ERAP2: variants seen among roughly 807,000 people sequenced by gnomAD.
The protein encoded by ERAP2 is leukocyte-derived arginine aminopeptidase.
In ERAP2, 118 loss-of-function variants were observed where a neutral mutation model predicts 111.1. The ratio of observed to expected loss-of-function variants is 1.06; its 90% confidence interval spans 0.92 to 1.24. The LOEUF is 1.24. Ranked by LOEUF, ERAP2 falls within the 50% of genes most tolerant of loss-of-function variation. ERAP2 has a pLI of 0.00. For synonymous variants in ERAP2, 410 were observed against 401.2 expected (o/e 1.02, Z -0.26); for missense variants, 1,131 against 1,125.8 (o/e 1.00, Z -0.07).
At chr5:96,897,354 C>T (rs1479701318) in intron 9 of ERAP2, among the ~76,000 whole-genome samples, 1 of 152,152 alleles carries the variant, frequency 6.6e-6, no homozygotes, top group African/African-American at 2.4e-5. Context: ...AATTCAAATG[C>T]CACCCAACTT....
chr5:96,887,799 C>T (rs910318475), intron 4 of ERAP2, among the ~76,000 whole-genome samples: 18 of 152,108 alleles, frequency 1.2e-4, no homozygotes, highest in Non-Finnish European at 1.6e-4. Flanking sequence ...GACTTAAAAA[C>T]ATTTTTAAAG....
chr5:96,880,581 A>C (rs978056814), intron 2 of ERAP2, among the ~76,000 whole-genome samples: 1 of 152,238 alleles, frequency 6.6e-6, no homozygotes, highest in Non-Finnish European at 1.5e-5. Context: ...TCTCAAAGGA[A>C]GTGAGTCTTC....
chr5:96,903,542 A>T lies in ERAP2; in HGVS notation c.1994A>T (p.Asp665Val). 2 of 1,604,668 alleles carry T rather than the reference A, an allele frequency of 1.2e-6. No individual in the cohort carries two copies. Among genetic ancestry groups the T allele is most frequent in the East Asian group, 2.2e-5 (1 of 44,742 alleles). ...AAGGACAGAGTAGGTCTGATTCATG[A>T]TGTGTTTCAGCTAGTTGGGTAAGGC... Reference protein sequence around the residue: ...RPKDRVGLIHDVFQLVGAGRL... With the variant: ...RPKDRVGLIHVVFQLVGAGRL... Residue 665 changes from aspartate to valine, a missense_variant, in exon 13 of 19, where the codon GAT becomes GTT. Transcript: ENST00000437043.
intron 1 of ERAP2, among the ~76,000 whole-genome samples, chr5:96,878,141 A>T (rs987480076): frequency 2.0e-5 from 3 of 152,204 alleles, no homozygotes; most frequent in African/African-American, 7.2e-5. Context: ...AAAAAGAAAG[A>T]AACTTAGTTC....
rs1252685622 is a variant in ERAP2, at chr5:96,919,619, AAGT to A, written c.*2017_*2019del. ...AGGATTCTAAAGAATTGAGTACAGA[AAGT>A]AGCAATTTTATTATTTGATGATAAT... On this transcript the variant is annotated 3_prime_UTR_variant, in exon 19 of 19. Transcript: ENST00000437043. The A allele has an allele frequency of 6.6e-6, 1 of 152,172 alleles. No homozygotes were observed. Among genetic ancestry groups the A allele is most frequent in the Non-Finnish European group, 1.5e-5 (1 of 68,038 alleles). The allele number at this position is 152,172 out of a possible 1,614,324, so 9.4% of individuals were successfully genotyped here.
chr5:96,896,163 A>G (rs1259864453), intron 7 of ERAP2, among the ~76,000 whole-genome samples: 1 of 152,052 alleles, frequency 6.6e-6, no homozygotes, highest in African/African-American at 2.4e-5. Context: ...CTGAAGGAAT[A>G]TTGGATTTGT....
chr5:96,894,425 T>C (rs1784664150), intron 6 of ERAP2, among the ~76,000 whole-genome samples: 1 of 152,194 alleles, frequency 6.6e-6, no homozygotes, highest in South Asian at 2.1e-4. Flanking sequence ...TCTGTAACTA[T>C]AACCAGGCTC....
chr5:96,876,317 C>T (rs1288892465), upstream of ERAP2: 2 of 152,328 alleles, frequency 1.3e-5, no homozygotes, highest in African/African-American at 4.8e-5. Context: ...TTGGCTTCTA[C>T]TCCAAAGCCA....
chr5:96,894,654 T>C (rs941349099), intron 6 of ERAP2, among the ~76,000 whole-genome samples: 2 of 152,194 alleles, frequency 1.3e-5, no homozygotes, highest in South Asian at 4.1e-4. Context: ...ATTTGATTTA[T>C]ATATTTTTTA....
chr5:96,880,065 A>T lies in ERAP2; in HGVS notation c.380A>T (p.Asp127Val). The change falls in exon 2 of 19, where the codon GAT becomes GTT. Residue 127 changes from aspartate to valine, a missense_variant. Asp to Val is a radical substitution (Grantham distance 152, BLOSUM62 -3). Transcript: ENST00000437043. Reference sequence around the variant, plus strand: ...AATGCCACCCTTCAGTCAGAGGAAGATTCAAGATACATGAAACCAGGAAAA... The same window carrying T: ...AATGCCACCCTTCAGTCAGAGGAAGTTTCAAGATACATGAAACCAGGAAAA... ...ITNATLQSEE[D>V]SRYMKPGKEL... 1 of 1,614,192 alleles carries T rather than the reference A, an allele frequency of 6.2e-7. No individual in the cohort carries two copies. The highest frequency in any genetic ancestry group is 1.1e-5 in the South Asian group (1 of 91,086).
intron 6 of ERAP2, among the ~76,000 whole-genome samples, chr5:96,892,911 T>C (rs1000943685): frequency 7.2e-5 from 11 of 152,302 alleles, no homozygotes; most frequent in Admixed American, 3.9e-4. Flanking sequence ...ATTTGATGGG[T>C]TGATGATCCT....
chr5:96,898,169 C>G (rs942221480), intron 9 of ERAP2, among the ~76,000 whole-genome samples: 1 of 151,878 alleles, frequency 6.6e-6, no homozygotes, highest in African/African-American at 2.4e-5. Context: ...GCACTCCAGC[C>G]TGGGTGACAG....
At chr5:96,886,548 T>A in intron 3 of ERAP2, 107 bp from the exon 4 acceptor site, 1 of 936,098 alleles carries the variant, frequency 1.1e-6, no homozygotes, top group Non-Finnish European at 1.5e-6. Context: ...TCATCGATTG[T>A]CCTTCAGAGT....
chr5:96,908,931 C>G (rs541621571), intron 13 of ERAP2, 30 bp from the exon 14 acceptor site: 32 of 1,598,096 alleles, frequency 2.0e-5, no homozygotes, highest in Non-Finnish European at 2.7e-5. Flanking sequence ...AAGATATGCA[C>G]AAACCACTGA....
chr5:96,909,096 A>C lies in ERAP2; in HGVS notation c.2148A>C (p.Ser716=), dbSNP rs1462671841. Residue 716 remains serine (S), a synonymous_variant, in exon 14 of 19, where the codon TCA becomes TCC. Coordinates refer to ENST00000437043, the MANE Select transcript of ERAP2 (RefSeq NM_022350.5). ...FYHMMDRRNI[S]DISENLKRYL... ...ACATGATGGACAGAAGGAATATTTC[A>C]GATATCTCTGAAAACCTCAAGGTTT... 6.2e-7 allele frequency: 1 copy of C among 1,614,030 alleles called. No individual in the cohort carries two copies. The highest frequency in any genetic ancestry group is 1.3e-5 in the African/African-American group (1 of 74,948).
chr5:96,889,907 T>C (rs1328707564), intron 5 of ERAP2, among the ~76,000 whole-genome samples: 6 of 152,208 alleles, frequency 3.9e-5, no homozygotes, highest in Middle Eastern at 3.4e-3. Context: ...GGAATCACCA[T>C]ACCTTATTTG....
chr5:96,909,173 G>A (rs1364206381), intron 14 of ERAP2, 56 bp downstream of exon 14: 2 of 1,556,062 alleles, frequency 1.3e-6, no homozygotes, highest in Non-Finnish European at 1.8e-6. Flanking sequence ...TGGAGTATCA[G>A]TCAGGCTCAG....
In ERAP2 at chr5:96,879,716, C is replaced by T. The variant is rs377125763; in HGVS notation, c.31C>T (p.His11Tyr). MFHSSAMVNS[H>Y]RKPMFNIHRG... ...CCATTCTTCTGCAATGGTTAATTCACACAGAAAACCAATGTTTAACATTCA... is the reference window on the plus strand; with the variant it reads ...CCATTCTTCTGCAATGGTTAATTCATACAGAAAACCAATGTTTAACATTCA... The change falls in exon 2 of 19, where the codon CAC (histidine) becomes TAC (tyrosine). Residue 11 changes from histidine to tyrosine, a missense_variant. Coordinates refer to ENST00000437043, the MANE Select transcript of ERAP2 (RefSeq NM_022350.5). 1.5e-5 allele frequency: 24 copies of T among 1,613,980 alleles called. No individual in the cohort carries two copies. The highest frequency in any genetic ancestry group is 2.0e-5 in the Non-Finnish European group (24 of 1,179,974).
chr5:96,907,617 C>G (rs1786240060), intron 13 of ERAP2, among the ~76,000 whole-genome samples: 1 of 151,470 alleles, frequency 6.6e-6, no homozygotes, highest in African/African-American at 2.4e-5. Flanking sequence ...CCAGGTGGCT[C>G]ATGCCTGTAA....
Sources: allele counts gnomAD v4.1 joint callset (sites outside exome capture counted in the v4.1 genomes callset), GRCh38; gene constraint gnomAD v4.1.1; transcripts MANE v1.5; gene names NCBI Gene and HGNC (gene_info 2026-07-23, HGNC 2026-07-21).